MRTFB: variants seen among roughly 807,000 people sequenced by gnomAD.
MRTFB encodes myocardin-related transcription factor B.
A neutral mutation model predicts 104.2 loss-of-function variants in MRTFB; 29 were observed. The observed-to-expected ratio is 0.28, with a 90% CI of 0.21 to 0.38. The LOEUF (loss-of-function observed/expected upper bound fraction) is 0.38. Among genes scored for constraint, MRTFB ranks in the 10% least tolerant of loss-of-function variants. The probability of loss-of-function intolerance (pLI) is 1.00; values close to 1 mark genes in which losing one functional copy is unlikely to be tolerated. For synonymous variants in MRTFB, 535 were observed against 519.5 expected (o/e 1.03, Z -0.41); for missense variants, 1,270 against 1,341.6 (o/e 0.95, Z 0.83).
At chr16:14,186,312 G>A (rs944565330) in intron 3 of MRTFB, among the ~76,000 whole-genome samples, 3 of 152,220 alleles carry the variant, frequency 2.0e-5, no homozygotes, top group African/African-American at 7.2e-5. Context: ...GTGTGCCTCT[G>A]CTGAGATAAG....
intron 3 of MRTFB, chr16:14,186,751 T>G: frequency 6.8e-7 from 1 of 1,476,746 alleles, no homozygotes; most frequent in Non-Finnish European, 8.9e-7. Context: ...TAAAGGGTAA[T>G]GGCTGCCTTC....
the MRTFB span, among the ~76,000 whole-genome samples, chr16:14,014,160 C>A: frequency 6.6e-6 from 1 of 152,108 alleles, no homozygotes; most frequent in Admixed American, 6.6e-5. Flanking sequence ...AAATAAATCA[C>A]GGTGTTTCCC....
At chr16:14,110,958 CTG>C (rs1415135104) in intron 2 of MRTFB, among the ~76,000 whole-genome samples, 1 of 152,148 alleles carries the variant, frequency 6.6e-6, no homozygotes, top group Admixed American at 6.5e-5. Context: ...TCAACCTGCT[CTG>C]TGGTTTTTAA....
chr16:14,025,914 A>G, the MRTFB span, among the ~76,000 whole-genome samples: 4 of 152,236 alleles, frequency 2.6e-5, no homozygotes, highest in Non-Finnish European at 4.4e-5. Context: ...ATATAAACCT[A>G]ACAAAACATT....
the MRTFB span, among the ~76,000 whole-genome samples, chr16:14,005,956 C>A: frequency 7.5e-3 from 1,139 of 152,296 alleles, 14 homozygotes; most frequent in African/African-American, 0.026. Context: ...GCCTGTAATC[C>A]CAGCACTTTG....
intron 2 of MRTFB, among the ~76,000 whole-genome samples, chr16:14,125,003 G>C (rs1270790368): frequency 6.6e-6 from 1 of 152,170 alleles, no homozygotes; most frequent in Admixed American, 6.5e-5. Flanking sequence ...ACTGAAATCT[G>C]CGTTTTCTTT....
chr16:14,047,572 A>G, the MRTFB span, among the ~76,000 whole-genome samples: 5 of 152,352 alleles, frequency 3.3e-5, no homozygotes, highest in East Asian at 9.6e-4. Flanking sequence ...CTCACAGTTC[A>G]TGTGGCTGGG....
intron 11 of MRTFB, 50 bp downstream of exon 11, chr16:14,245,710 A>C (rs889603087): frequency 5.7e-6 from 9 of 1,574,152 alleles, no homozygotes; most frequent in Non-Finnish European, 7.7e-6. Flanking sequence ...ACAAACATGT[A>C]AATGATTTGC....
intron 2 of MRTFB, among the ~76,000 whole-genome samples, chr16:14,097,289 A>AC (rs1160014154): frequency 1.3e-5 from 2 of 152,222 alleles, no homozygotes; most frequent in African/African-American, 4.8e-5. Flanking sequence ...GTATTAAGTG[A>AC]CCAAGCATTC....
At chr16:14,163,311 A>G (rs549267989) in intron 3 of MRTFB, among the ~76,000 whole-genome samples, 1 of 152,336 alleles carries the variant, frequency 6.6e-6, no homozygotes, top group East Asian at 1.9e-4. Context: ...GAAGTGATTC[A>G]GTTTCTCATG....
At chr16:14,108,290 G>A (rs1011635140) in intron 2 of MRTFB, among the ~76,000 whole-genome samples, 9 of 152,130 alleles carry the variant, frequency 5.9e-5, no homozygotes, top group African/African-American at 2.2e-4. Flanking sequence ...AAGTATATAT[G>A]GAGTCCTCTA....
At chr16:14,025,556 A>G in the MRTFB span, among the ~76,000 whole-genome samples, 1 of 152,156 alleles carries the variant, frequency 6.6e-6, no homozygotes, top group African/African-American at 2.4e-5. Flanking sequence ...TAAGGTAGGA[A>G]AAAGGAGCCC....
chr16:14,177,226 TAAG>T lies in MRTFB; in HGVS notation c.155-33016_155-33014del, dbSNP rs1045607904. 1.1e-4 allele frequency among the ~76,000 whole-genome samples: 17 copies of T among 152,222 alleles called. No homozygotes were observed. The highest frequency in any genetic ancestry group is 4.1e-4 in the African/African-American group (17 of 41,548). On this transcript the variant is annotated intron_variant, in intron 3 of 16. Transcript: ENST00000571589. This position sits in a 1 kb window ranked among gnomAD's most constrained non-coding sequence, Gnocchi z 4.7. ...CCAGGCTAACAAAGGTGGACTGACT[TAAG>T]GAGATAGAGGAGAGGCATGGAAGAG...
In MRTFB at chr16:14,240,658, T is replaced by C. The variant is rs933345424; in HGVS notation, c.1079+174T>C. On this transcript the variant is annotated intron_variant, in intron 10 of 16. Coordinates refer to ENST00000571589, the MANE Select transcript of MRTFB (RefSeq NM_001308142.2). ...TGAAGTCCACATGGTGAGAGTGGCC[T>C]GCATTCCATTCCAGTTTCTGTCCTC... 6.5e-6 allele frequency: 7 copies of C among 1,085,152 alleles called. No individual in the cohort carries two copies. The African/African-American group carries it at 7.7e-5, about 12-fold the overall frequency. The allele number at this position is 1,085,152 out of a possible 1,614,324, so 67.2% of individuals were successfully genotyped here. A position where few individuals can be genotyped will look rare whatever the true frequency, so the allele number is the denominator to read the frequency against.
chr16:14,062,628 G>A, the MRTFB span, among the ~76,000 whole-genome samples: 30 of 152,268 alleles, frequency 2.0e-4, 1 homozygote, highest in South Asian at 6.2e-4. Flanking sequence ...AGGGGTCGAC[G>A]TCCTTGGATG....
At chr16:14,155,351 T>A (rs1366816688) in intron 3 of MRTFB, among the ~76,000 whole-genome samples, 1 of 152,218 alleles carries the variant, frequency 6.6e-6, no homozygotes, top group Non-Finnish European at 1.5e-5. Flanking sequence ...ATGTTATATT[T>A]ATGTTTTAAA....
intron 3 of MRTFB, among the ~76,000 whole-genome samples, chr16:14,169,535 T>A (rs2039355889): frequency 6.6e-6 from 1 of 152,270 alleles, no homozygotes; most frequent in African/African-American, 2.4e-5. Context: ...ATACATGTTT[T>A]ACAAATATAT....
At chr16:14,191,109 G>T (rs1195627343) in intron 3 of MRTFB, among the ~76,000 whole-genome samples, 1 of 152,186 alleles carries the variant, frequency 6.6e-6, no homozygotes, top group Non-Finnish European at 1.5e-5. Flanking sequence ...TTAAATGATG[G>T]AAGTTATGCA....
chr16:14,229,681 G>C (rs1030162837), intron 8 of MRTFB, among the ~76,000 whole-genome samples: 7 of 152,034 alleles, frequency 4.6e-5, no homozygotes, highest in African/African-American at 1.7e-4. Context: ...TTATATTGTA[G>C]CAAAGCTTTC....
Sources: allele counts gnomAD v4.1 joint callset (sites outside exome capture counted in the v4.1 genomes callset), GRCh38; gene constraint gnomAD v4.1.1; non-coding constraint Gnocchi (gnomAD v3.1); transcripts MANE v1.5; gene names NCBI Gene and HGNC (gene_info 2026-07-23, HGNC 2026-07-21).